Variants in ADAM29 observed in about 807,000 individuals in gnomAD.
ADAM29 encodes the protein disintegrin and metalloproteinase domain-containing protein 29.
For synonymous variants in ADAM29, 367 were observed against 342.3 expected (o/e 1.07, Z -0.80); for missense variants, 969 against 1,001.8 (o/e 0.97, Z 0.44).
chr4:174,946,788 C>G (rs1744873099), intron 4 of ADAM29, among the ~76,000 whole-genome samples: 1 of 152,022 alleles, frequency 6.6e-6, no homozygotes, highest in African/African-American at 2.4e-5. Flanking sequence ...AGTCTCTCCT[C>G]AAGTTTTTGG....
intron 4 of ADAM29, among the ~76,000 whole-genome samples, chr4:174,950,878 C>A (rs1745128779): frequency 6.6e-6 from 1 of 151,892 alleles, no homozygotes. Context: ...GGCACTTTCC[C>A]CTTCTCTCTT....
At chr4:174,970,990 C>T (rs1445661916) in intron 4 of ADAM29, among the ~76,000 whole-genome samples, 1 of 152,144 alleles carries the variant, frequency 6.6e-6, no homozygotes, top group Non-Finnish European at 1.5e-5. Flanking sequence ...CAGTCACACA[C>T]AGGAGCTCTA....
At chr4:174,959,914 A>C (rs994892306) in intron 4 of ADAM29, among the ~76,000 whole-genome samples, 2 of 151,972 alleles carry the variant, frequency 1.3e-5, no homozygotes, top group African/African-American at 4.8e-5. Flanking sequence ...ATTTCTTATG[A>C]GATTTTATAG....
At chr4:174,956,424 A>T (rs1326172754) in intron 4 of ADAM29, among the ~76,000 whole-genome samples, 2 of 151,798 alleles carry the variant, frequency 1.3e-5, no homozygotes, top group African/African-American at 2.4e-5. Flanking sequence ...TATAAGCCCT[A>T]ACTATGAAAA....
chr4:174,922,270 A>G (rs768192217), intron 2 of ADAM29, among the ~76,000 whole-genome samples: 4 of 152,210 alleles, frequency 2.6e-5, no homozygotes, highest in Non-Finnish European at 5.9e-5. Context: ...ATCAACTTGA[A>G]TGTTACATAC....
At chr4:174,962,332 A>T (rs2111064838) in intron 4 of ADAM29, among the ~76,000 whole-genome samples, 1 of 152,194 alleles carries the variant, frequency 6.6e-6, no homozygotes, top group Non-Finnish European at 1.5e-5. Flanking sequence ...TAACACGGTG[A>T]AACCCCGTCT....
rs142478184 is a variant in ADAM29 at position 174,953,368 on chromosome 4, A to T, written c.-181+16355A>T. Among the ~76,000 whole-genome samples, 735 of 152,326 alleles carry T rather than the reference A, an allele frequency of 4.8e-3. 7 individuals are homozygous for T. Among genetic ancestry groups the T allele is most frequent in the South Asian group, 0.042 (201 of 4,828 alleles). On this transcript the variant is annotated intron_variant, in intron 4 of 4. Transcript: ENST00000359240. ...ACTCTTACTTATTTTTCAATAAATT[A>T]TTCTTTACTAAAGTATACTATTTTC...
At chr4:174,925,269 T>C (rs545292976) in intron 2 of ADAM29, among the ~76,000 whole-genome samples, 1 of 152,308 alleles carries the variant, frequency 6.6e-6, no homozygotes, top group African/African-American at 2.4e-5. Context: ...GGTGTTAATA[T>C]TGGTTCTTTC....
chr4:174,922,245 T>C (rs746649430), intron 2 of ADAM29, among the ~76,000 whole-genome samples: 2 of 152,212 alleles, frequency 1.3e-5, no homozygotes, highest in African/African-American at 2.4e-5. Flanking sequence ...AAAACTGTGT[T>C]GATGACAATA....
intron 4 of ADAM29, among the ~76,000 whole-genome samples, chr4:174,951,780 G>A (rs975700012): frequency 3.9e-5 from 6 of 152,106 alleles, no homozygotes; most frequent in African/African-American, 1.2e-4. Context: ...TGGTGTTCAT[G>A]CCTTTTGAGT....
chr4:174,951,513 A>G (rs1455139008), intron 4 of ADAM29, among the ~76,000 whole-genome samples: 1 of 152,194 alleles, frequency 6.6e-6, no homozygotes, highest in East Asian at 1.9e-4. Flanking sequence ...GTTTGAAATG[A>G]TGTTTCACAA....
In ADAM29 at chr4:174,932,080, G is replaced by C. The variant is rs1743913864; in HGVS notation, c.-262+906G>C. Among the ~76,000 whole-genome samples the C allele has an allele frequency of 3.3e-5, 5 of 152,142 alleles. No homozygotes were observed. In the South Asian group the frequency reaches 1.0e-3, roughly 32 times the overall value. On this transcript the variant is annotated intron_variant, in intron 3 of 4. Transcript: ENST00000359240. Reference sequence around the variant, plus strand: ...AAGGCAGGTAGATCACTTGAGGTCAGGATTTCGAGACCAGCCTGATTAACA... The same window carrying C: ...AAGGCAGGTAGATCACTTGAGGTCACGATTTCGAGACCAGCCTGATTAACA...
intron 4 of ADAM29, among the ~76,000 whole-genome samples, chr4:174,959,147 G>A (rs1464362545): frequency 6.6e-6 from 1 of 151,708 alleles, no homozygotes; most frequent in East Asian, 1.9e-4. Context: ...AACATTTCCT[G>A]TATGACAGTT....
intron 4 of ADAM29, among the ~76,000 whole-genome samples, chr4:174,952,301 C>T (rs1034896042): frequency 6.6e-6 from 1 of 151,770 alleles, no homozygotes; most frequent in African/African-American, 2.4e-5. Context: ...ACAAGTCACA[C>T]ATGTCTCTCC....
intron 4 of ADAM29, among the ~76,000 whole-genome samples, chr4:174,938,747 C>T (rs569664859): frequency 1.3e-5 from 2 of 152,208 alleles, no homozygotes; most frequent in South Asian, 4.1e-4. Context: ...TTAGGGCTGC[C>T]ATTACAATCT....
In ADAM29 at chr4:174,929,928, T is replaced by G. The variant is rs183859595; in HGVS notation, c.-450-1058T>G. ...CATGCTACGACACCTGGCTAATTTTTGTTTGTTAGTTTGTTTTTGGGACAG... is the reference window on the plus strand; with the variant it reads ...CATGCTACGACACCTGGCTAATTTTGGTTTGTTAGTTTGTTTTTGGGACAG... On this transcript the variant is annotated intron_variant, in intron 2 of 4. Transcript: ENST00000359240. Among the ~76,000 whole-genome samples the G allele has an allele frequency of 3.3e-5, 5 of 151,982 alleles. No individual in the cohort carries two copies. In the East Asian group the frequency reaches 9.7e-4, roughly 29 times the overall value.
chr4:174,919,288 T>C (rs1743039303), intron 1 of ADAM29, among the ~76,000 whole-genome samples: 1 of 152,234 alleles, frequency 6.6e-6, no homozygotes, highest in Non-Finnish European at 1.5e-5. Context: ...AGAATTTTTC[T>C]AGTTAGTAAC....
intron 2 of ADAM29, among the ~76,000 whole-genome samples, chr4:174,922,247 A>G (rs572352294): frequency 1.3e-5 from 2 of 152,316 alleles, no homozygotes; most frequent in Non-Finnish European, 2.9e-5. Context: ...AACTGTGTTG[A>G]TGACAATAGC....
chr4:174,930,161 C>G (rs902308586), intron 2 of ADAM29, among the ~76,000 whole-genome samples: 9 of 152,104 alleles, frequency 5.9e-5, no homozygotes, highest in African/African-American at 9.7e-5. Flanking sequence ...ATCTCCTGAC[C>G]TCAAGTAATC....
Sources: allele counts gnomAD v4.1 joint callset (sites outside exome capture counted in the v4.1 genomes callset), GRCh38; gene constraint gnomAD v4.1.1; transcripts MANE v1.5; gene names NCBI Gene and HGNC (gene_info 2026-07-23, HGNC 2026-07-21).